The following PLEKHG3 variants were observed in gnomAD, a reference collection of about 807,000 sequenced individuals.
PLEKHG3 encodes the protein pleckstrin homology domain-containing family G member 3.
In PLEKHG3, 62 loss-of-function variants were observed where a neutral mutation model predicts 94.9. That is an observed-to-expected ratio of 0.65 (90% CI 0.53 to 0.81). PLEKHG3 has a LOEUF of 0.81. Ranked by LOEUF, PLEKHG3 falls within the 30% of genes least tolerant of loss-of-function variation. The pLI, the probability that PLEKHG3 is intolerant of heterozygous loss-of-function variation, is 0.00. For synonymous variants in PLEKHG3, 614 were observed against 654.0 expected (o/e 0.94, Z 0.93); for missense variants, 1,461 against 1,619.3 (o/e 0.90, Z 1.68).
intron 14 of PLEKHG3, chr14:64,737,712 A>C: frequency 2.6e-6 from 1 of 381,472 alleles, no homozygotes; most frequent in African/African-American, 2.1e-5. Flanking sequence ...CACCATGAGA[A>C]TGCCCACCCC....
Position 64,722,697 on chromosome 14 carries a change from C to T in PLEKHG3, c.-39-4896C>T, listed in dbSNP as rs2081283845. On this transcript the variant is annotated intron_variant, in intron 1 of 16. Transcript: ENST00000247226. This position sits in a 1 kb window ranked among gnomAD's most constrained non-coding sequence, Gnocchi z 4.3. ...TGAAGGGCAGTGGATGAAATGACGA[C>T]ATCAGCCTCTGAACCAGAATGTTTT... 6.6e-6 allele frequency among the ~76,000 whole-genome samples: 1 copy of T among 152,206 alleles called. No individual in the cohort carries two copies. Among genetic ancestry groups the T allele is most frequent in the Admixed American group, 6.5e-5 (1 of 15,290 alleles).
rs1027297587 is a variant in PLEKHG3, at chr14:64,722,061, G to A, written c.-39-5532G>A. 4.6e-5 allele frequency among the ~76,000 whole-genome samples: 7 copies of A among 152,162 alleles called. No individual in the cohort carries two copies. Among genetic ancestry groups the A allele is most frequent in the African/African-American group, 9.7e-5 (4 of 41,432 alleles). On this transcript the variant is annotated intron_variant, in intron 1 of 16. Transcript: ENST00000247226. This position sits in a 1 kb window ranked among gnomAD's most constrained non-coding sequence, Gnocchi z 4.3. ...TTTTTGAAGGGATTCCGAAAGTGCC[G>A]TCTTGGGGATTGTTTGGGGGAAGGA...
rs1474407746 is a variant in PLEKHG3, at chr14:64,718,533, G to A, written c.-39-9060G>A. On this transcript the variant is annotated intron_variant, in intron 1 of 16. Transcript: ENST00000247226. This position sits in a 1 kb window ranked among gnomAD's most constrained non-coding sequence, Gnocchi z 5.0. ...GCCATGATGTCTTTGTGCACAGTAG[G>A]TGCTTGGTAAACAGCTTAGGTTGGA... is the stretch of plus-strand genomic sequence containing the variant. Among the ~76,000 whole-genome samples the A allele has an allele frequency of 6.6e-6, 1 of 152,164 alleles. No individual in the cohort carries two copies. The highest frequency in any genetic ancestry group is 1.5e-5 in the Non-Finnish European group (1 of 68,034).
intron 1 of PLEKHG3, among the ~76,000 whole-genome samples, chr14:64,713,202 AT>A (rs1311478086): frequency 6.6e-6 from 1 of 152,106 alleles, no homozygotes; most frequent in East Asian, 1.9e-4. Flanking sequence ...ATTTGTTAGT[AT>A]TTTGTTGAGG....
In PLEKHG3 at chr14:64,717,307, A is replaced by G. The variant is rs998559126; in HGVS notation, c.-39-10286A>G. ...AGAGGCGAGGCCTGAGGGAGGGGGA[A>G]GGCCAGGGTTGTCTACATAACTTTC... is the stretch of plus-strand genomic sequence containing the variant. On this transcript the variant is annotated intron_variant, in intron 1 of 16. Coordinates refer to ENST00000247226, the MANE Select transcript of PLEKHG3 (RefSeq NM_001308147.2). This position sits in a 1 kb window ranked among gnomAD's most constrained non-coding sequence, Gnocchi z 4.7. Among the ~76,000 whole-genome samples the G allele has an allele frequency of 5.3e-5, 8 of 152,308 alleles. No individual in the cohort carries two copies. The East Asian group carries it at 1.4e-3, about 26-fold the overall frequency.
In PLEKHG3 at chr14:64,704,925, G is replaced by A. The variant is rs1207449900; in HGVS notation, c.-40+221G>A. 3.9e-5 allele frequency among the ~76,000 whole-genome samples: 6 copies of A among 152,208 alleles called. No individual in the cohort carries two copies. The highest frequency in any genetic ancestry group is 2.1e-4 in the South Asian group (1 of 4,828). Reference sequence around the variant, plus strand: ...CGAGCGCAGGAGGGTCGTATGGGGAGACTTTTTCTGTCTTTTTTTCCCTCC... The same window carrying A: ...CGAGCGCAGGAGGGTCGTATGGGGAAACTTTTTCTGTCTTTTTTTCCCTCC... On this transcript the variant is annotated intron_variant, in intron 1 of 16. Transcript: ENST00000247226. This position sits in a 1 kb window ranked among gnomAD's most constrained non-coding sequence, Gnocchi z 5.6.
intron 12 of PLEKHG3, among the ~76,000 whole-genome samples, chr14:64,734,712 C>CCCTT (rs559062454): frequency 1.4e-3 from 196 of 141,482 alleles, no homozygotes; most frequent in Admixed American, 2.4e-3. Context: ...CTCCCTCCCT[C>CCCTT]CCTTCCTTCC....
rs751732662 is a variant in PLEKHG3 at position 64,739,690 on chromosome 14, C to A, written c.1518+835C>A. Among the ~76,000 whole-genome samples, 20 of 152,186 alleles carry A rather than the reference C, an allele frequency of 1.3e-4. No homozygotes were observed. Among genetic ancestry groups the A allele is most frequent in the Admixed American group, 1.3e-4 (2 of 15,274 alleles). On this transcript the variant is annotated intron_variant, in intron 15 of 16. Transcript: ENST00000247226. This position sits in a 1 kb window ranked among gnomAD's most constrained non-coding sequence, Gnocchi z 4.1. The stretch of plus-strand genomic sequence containing the variant: ...TTCTAAGGTCAAGATGCCAGCAGAC[C>A]CTGGGGAGGGCTTGCCCTCTGCTTC...
rs146394832 is a variant in PLEKHG3 at position 64,706,629 on chromosome 14, G to A, written c.-40+1925G>A. On this transcript the variant is annotated intron_variant, in intron 1 of 16. Transcript: ENST00000247226. Reference sequence around the variant, plus strand: ...TCCCACGTGTGTGCCACAAGGAGACGTTAGATACCAGGAGCCATTGTTGGA... The same window carrying A: ...TCCCACGTGTGTGCCACAAGGAGACATTAGATACCAGGAGCCATTGTTGGA... Among the ~76,000 whole-genome samples the A allele has an allele frequency of 1.1e-4, 16 of 152,340 alleles. No homozygotes were observed. In the East Asian group the frequency reaches 2.7e-3, roughly 26 times the overall value.
chr14:64,714,480 A>G (rs1594662526), intron 1 of PLEKHG3, among the ~76,000 whole-genome samples: 4 of 152,100 alleles, frequency 2.6e-5, no homozygotes, highest in African/African-American at 9.6e-5. Flanking sequence ...TAGCACTTAC[A>G]CTTTCCAAAA....
At position 64,738,075 on chromosome 14, in the gene PLEKHG3, GA is replaced by G; in HGVS notation, c.1405-666del. ...AGGCAACGAGAAGGGGGCTGGGCCGGAGCCCCCAGGCTCAGAGGAGGAGGAG... is the reference window on the plus strand; with the variant it reads ...AGGCAACGAGAAGGGGGCTGGGCCGGGCCCCCAGGCTCAGAGGAGGAGGAG... On this transcript the variant is annotated intron_variant, in intron 14 of 16. Coordinates refer to ENST00000247226, the MANE Select transcript of PLEKHG3 (RefSeq NM_001308147.2). This position sits in a 1 kb window ranked among gnomAD's most constrained non-coding sequence, Gnocchi z 4.8. The G allele has an allele frequency of 7.7e-7, 1 of 1,301,226 alleles. No homozygotes were observed. The highest frequency in any genetic ancestry group is 1.0e-6 in the Non-Finnish European group (1 of 995,590). 80.6% of individuals were successfully genotyped at this position (1,301,226 alleles called of 1,614,324 possible).
At position 64,708,250 on chromosome 14, in the gene PLEKHG3, C is replaced by G. The variant is rs555202734; in HGVS notation, c.-40+3546C>G. ...ATGACAGGGGCAGCCCTGACCACCC[C>G]CCTCTTGCTCTGGAATTCCCCCTGC... On this transcript the variant is annotated intron_variant, in intron 1 of 16. Coordinates refer to ENST00000247226, the MANE Select transcript of PLEKHG3 (RefSeq NM_001308147.2). Among the ~76,000 whole-genome samples the G allele has an allele frequency of 2.6e-5, 4 of 152,318 alleles. No homozygotes were observed. In the South Asian group the frequency reaches 8.3e-4, roughly 32 times the overall value.
At position 64,716,818 on chromosome 14, in the gene PLEKHG3, C is replaced by T. The variant is rs1190072705; in HGVS notation, c.-39-10775C>T. ...AAGGAGTAGACGCTGCTTCCTCGGC[C>T]GTGTCTCTACACGTGTGCACCCCAG... is the stretch of plus-strand genomic sequence containing the variant. On this transcript the variant is annotated intron_variant, in intron 1 of 16. Coordinates refer to ENST00000247226, the MANE Select transcript of PLEKHG3 (RefSeq NM_001308147.2). The surrounding 1 kb of genome is among the most constrained non-coding windows in gnomAD (Gnocchi z 5.0). 2.6e-5 allele frequency among the ~76,000 whole-genome samples: 4 copies of T among 152,152 alleles called. No individual in the cohort carries two copies. Among genetic ancestry groups the T allele is most frequent in the Admixed American group, 6.5e-5 (1 of 15,286 alleles).
Position 64,747,934 on chromosome 14 carries a change from G to A in PLEKHG3, c.*4231G>A, listed in dbSNP as rs754435. 12,925 of 152,168 alleles carry A rather than the reference G, an allele frequency of 0.085. 629 individuals are homozygous for A. The highest frequency in any genetic ancestry group is 0.15 in the Middle Eastern group (43 of 294). 9.4% of individuals were successfully genotyped at this position (152,168 alleles called of 1,614,324 possible). ...GAATGAGCTTTCTCTTCCTCCAGAA[G>A]TATGACCTGAGCAGCAAGGGGAAGG... On this transcript the variant is annotated 3_prime_UTR_variant, in exon 17 of 17. Transcript: ENST00000247226.
chr14:64,737,987 G>GGAGGAC, intron 14 of PLEKHG3: 2 of 1,250,738 alleles, frequency 1.6e-6, no homozygotes, highest in African/African-American at 1.5e-5. Context: ...TGGAGGAGGA[G>GGAGGAC]GAGGAGGAGG....
At position 64,739,749 on chromosome 14, in the gene PLEKHG3, G is replaced by A. The variant is rs987784573; in HGVS notation, c.1518+894G>A. ...TGGCTTCTTGCTGTGTCCTCACATG[G>A]CAAAGGGGCAAGGAAGCTCCCTTGA... On this transcript the variant is annotated intron_variant, in intron 15 of 16. Transcript: ENST00000247226. The surrounding 1 kb of genome is among the most constrained non-coding windows in gnomAD (Gnocchi z 4.1). Among the ~76,000 whole-genome samples, 2 of 152,174 alleles carry A rather than the reference G, an allele frequency of 1.3e-5. No individual in the cohort carries two copies. Among genetic ancestry groups the A allele is most frequent in the African/African-American group, 4.8e-5 (2 of 41,430 alleles).
rs2081144250 is a variant in PLEKHG3, at chr14:64,716,347, A to T, written c.-39-11246A>T. Among the ~76,000 whole-genome samples the T allele has an allele frequency of 6.6e-6, 1 of 151,914 alleles. No individual in the cohort carries two copies. Among genetic ancestry groups the T allele is most frequent in the South Asian group, 2.1e-4 (1 of 4,802 alleles). On this transcript the variant is annotated intron_variant, in intron 1 of 16. Transcript: ENST00000247226. This position sits in a 1 kb window ranked among gnomAD's most constrained non-coding sequence, Gnocchi z 5.0. Reference sequence around the variant, plus strand: ...CAGCAAGACAGCCCTTTTGGAGGCAACTGTAAATGGTTCTGCCGGGGACTT... The same window carrying T: ...CAGCAAGACAGCCCTTTTGGAGGCATCTGTAAATGGTTCTGCCGGGGACTT...
chr14:64,748,316 CATCTT>C lies in PLEKHG3; in HGVS notation c.*4616_*4620del, dbSNP rs1246248683. The C allele has an allele frequency of 2.0e-5, 3 of 152,226 alleles. No homozygotes were observed. The highest frequency in any genetic ancestry group is 6.5e-5 in the Admixed American group (1 of 15,284). 9.4% of individuals were successfully genotyped at this position (152,226 alleles called of 1,614,324 possible). The stretch of plus-strand genomic sequence containing the variant: ...CTTTACTGCAGGTGCGGGGGGTATC[CATCTT>C]ATATCTGGGGGCCCACACTGTCCCG... On this transcript the variant is annotated 3_prime_UTR_variant, in exon 17 of 17. Transcript: ENST00000247226.
intron 12 of PLEKHG3, among the ~76,000 whole-genome samples, 188 bp downstream of exon 12, chr14:64,733,089 C>G (rs1373084931): frequency 6.6e-6 from 1 of 150,738 alleles, no homozygotes; most frequent in African/African-American, 2.4e-5. Context: ...CACCAGGTAC[C>G]CCTGGGCCCT....
Sources: gnomAD v4.1 joint callset for allele counts (sites outside exome capture counted in the v4.1 genomes callset) on GRCh38, gnomAD v4.1.1 for gene constraint, Gnocchi (gnomAD v3.1) non-coding constraint, MANE v1.5 for transcripts, NCBI Gene and HGNC (gene_info 2026-07-23, HGNC 2026-07-21) for gene names.